Variants in ADSS2 observed in about 807,000 individuals in gnomAD.
The protein encoded by ADSS2 is adenylosuccinate synthetase isozyme 2.
Under a neutral mutation model 60.0 loss-of-function variants are expected in ADSS2, and 30 were observed. The observed-to-expected ratio is 0.50, with a 90% CI of 0.37 to 0.68. The LOEUF is 0.68. Ranked by LOEUF, ADSS2 falls within the 30% of genes least tolerant of loss-of-function variation. The pLI is 0.00. For missense variants in ADSS2, 373 were observed against 554.8 expected (o/e 0.67, Z 3.29); for synonymous variants, 187 against 193.1 (o/e 0.97, Z 0.26).
upstream of ADSS2, chr1:244,451,920 C>T (rs1372127165): frequency 1.3e-5 from 16 of 1,250,530 alleles, no homozygotes; most frequent in Non-Finnish European, 1.5e-5. This position sits in a 1 kb window ranked among gnomAD's most constrained non-coding sequence, Gnocchi z 6.6. Flanking sequence ...GAAGAAGGAG[C>T]CAGAGGCCGG....
intron 4 of ADSS2, among the ~76,000 whole-genome samples, chr1:244,431,925 CCACAGGACA>C (rs896484592): frequency 1.8e-4 from 28 of 152,306 alleles, no homozygotes; most frequent in African/African-American, 5.8e-4. Context: ...GCAGCTACTG[CCACAGGACA>C]CACGCATACT....
chr1:244,446,610 T>C (rs2148015959), intron 1 of ADSS2, among the ~76,000 whole-genome samples: 1 of 152,308 alleles, frequency 6.6e-6, no homozygotes, highest in East Asian at 1.9e-4. Context: ...ATTACTATTA[T>C]GAAATAACTT....
At chr1:244,428,283 T>C (rs1356587195) in intron 4 of ADSS2, among the ~76,000 whole-genome samples, 1 of 152,096 alleles carries the variant, frequency 6.6e-6, no homozygotes, top group Non-Finnish European at 1.5e-5. Context: ...TAAAATTAAA[T>C]TATAAATAAT....
chr1:244,437,111 T>C (rs1052295694), intron 2 of ADSS2, among the ~76,000 whole-genome samples: 1 of 152,176 alleles, frequency 6.6e-6, no homozygotes, highest in Non-Finnish European at 1.5e-5. Context: ...AAGTGAAATA[T>C]GATTTTGAAG....
chr1:244,423,227 C>G (rs911767817), intron 6 of ADSS2, among the ~76,000 whole-genome samples: 3 of 152,148 alleles, frequency 2.0e-5, no homozygotes, highest in African/African-American at 7.2e-5. Context: ...TCTGAATTAA[C>G]TGTATTATAC....
intron 4 of ADSS2, among the ~76,000 whole-genome samples, chr1:244,427,327 C>T (rs1664829638): frequency 6.6e-6 from 1 of 152,018 alleles, no homozygotes; most frequent in South Asian, 2.1e-4. Flanking sequence ...AGAGCAACTA[C>T]CAAAATTCAT....
In ADSS2 at chr1:244,446,685, T is replaced by C. The variant is rs915307028; in HGVS notation, c.183+4950A>G. Among the ~76,000 whole-genome samples the C allele has an allele frequency of 2.6e-5, 4 of 152,144 alleles. No homozygotes were observed. In the East Asian group the frequency reaches 7.7e-4, roughly 29 times the overall value. Reference sequence around the variant, plus strand: ...CTTAGGTTCCTAAGAAGCTTTAGACTCTGGGTACCAAACTCTAATATTCTT... The same window carrying C: ...CTTAGGTTCCTAAGAAGCTTTAGACCCTGGGTACCAAACTCTAATATTCTT... On this transcript the variant is annotated intron_variant, in intron 1 of 12. Transcript: ENST00000366535.
rs1456583090 is a variant in ADSS2 at position 244,451,208 on chromosome 1, T to TG, written c.183+426dup. Among the ~76,000 whole-genome samples, 1 of 151,940 alleles carries TG rather than the reference T, an allele frequency of 6.6e-6. No individual in the cohort carries two copies. Among genetic ancestry groups the TG allele is most frequent in the African/African-American group, 2.4e-5 (1 of 41,386 alleles). On this transcript the variant is annotated intron_variant, in intron 1 of 12. Coordinates refer to ENST00000366535, the MANE Select transcript of ADSS2 (RefSeq NM_001126.5). The surrounding 1 kb of genome is among the most constrained non-coding windows in gnomAD (Gnocchi z 6.6). ...CCTGGGCGGGGCGGGGGGGCGGTGA[T>TG]GGGGGGTTCTGCCGTCGCGCCGGGT...
chr1:244,435,703 A>G (rs1665082669), intron 3 of ADSS2, among the ~76,000 whole-genome samples: 1 of 152,066 alleles, frequency 6.6e-6, no homozygotes, highest in African/African-American at 2.4e-5. Flanking sequence ...CAACACCAAC[A>G]TTCTTGACTC....
intron 1 of ADSS2, among the ~76,000 whole-genome samples, chr1:244,450,550 C>T (rs576889529): frequency 6.6e-6 from 1 of 152,346 alleles, no homozygotes; most frequent in South Asian, 2.1e-4. Flanking sequence ...ACATATACAG[C>T]ATGGCACCAT....
At chr1:244,415,836 A>G in intron 11 of ADSS2, 145 bp downstream of exon 11, 1 of 611,122 alleles carries the variant, frequency 1.6e-6, no homozygotes, top group Non-Finnish European at 2.8e-6. Context: ...CAAATAACTA[A>G]TAATAAGTGA....
At chr1:244,448,496 CG>C (rs1665448618) in intron 1 of ADSS2, among the ~76,000 whole-genome samples, 1 of 152,122 alleles carries the variant, frequency 6.6e-6, no homozygotes, top group African/African-American at 2.4e-5. Flanking sequence ...AGAATACACA[CG>C]GAACACTGCT....
chr1:244,429,359 T>C (rs1664877490), intron 4 of ADSS2, among the ~76,000 whole-genome samples: 1 of 152,198 alleles, frequency 6.6e-6, no homozygotes, highest in African/African-American at 2.4e-5. Context: ...AAATGAACAT[T>C]CTGAAGCATC....
chr1:244,437,570 G>A, intron 2 of ADSS2, 96 bp downstream of exon 2: 1 of 854,644 alleles, frequency 1.2e-6, no homozygotes. Context: ...GAACCATCTG[G>A]TCAGTGAGAG....
intron 1 of ADSS2, among the ~76,000 whole-genome samples, chr1:244,449,253 T>C (rs533448915): frequency 6.6e-6 from 1 of 152,356 alleles, no homozygotes; most frequent in East Asian, 1.9e-4. Flanking sequence ...TTTAAAACTA[T>C]ATTTTATGTT....
chr1:244,441,347 T>G (rs1183530286), intron 1 of ADSS2, among the ~76,000 whole-genome samples: 1 of 152,178 alleles, frequency 6.6e-6, no homozygotes, highest in Non-Finnish European at 1.5e-5. Context: ...CGTGAGCCAC[T>G]GCGCCCGGCC....
intron 1 of ADSS2, among the ~76,000 whole-genome samples, chr1:244,439,406 G>T (rs1665181302): frequency 6.6e-6 from 1 of 152,110 alleles, no homozygotes; most frequent in African/African-American, 2.4e-5. Context: ...TTCCCTTCAA[G>T]GTAGCAACTT....
chr1:244,444,463 C>T (rs1665332404), intron 1 of ADSS2, among the ~76,000 whole-genome samples: 1 of 133,966 alleles, frequency 7.5e-6, no homozygotes, highest in Non-Finnish European at 1.6e-5. Flanking sequence ...TGCAGTGAGC[C>T]GAGATCCCGC....
chr1:244,451,562 G>C lies in ADSS2; in HGVS notation c.183+73C>G. The stretch of plus-strand genomic sequence containing the variant: ...CAGTGGATCCGGGTTCTGGGTCCGA[G>C]TTCCCGGGCACCAGGAGCCAGGCAG... On this transcript the variant is annotated intron_variant, in intron 1 of 12. Transcript: ENST00000366535. This position sits in a 1 kb window ranked among gnomAD's most constrained non-coding sequence, Gnocchi z 6.6. 9.4e-6 allele frequency: 14 copies of C among 1,485,866 alleles called. No individual in the cohort carries two copies. Among genetic ancestry groups the C allele is most frequent in the African/African-American group, 1.4e-5 (1 of 70,976 alleles). The allele number at this position is 1,485,866 out of a possible 1,614,324, so 92.0% of individuals were successfully genotyped here. A position where few individuals can be genotyped will look rare whatever the true frequency, so the allele number is the denominator to read the frequency against.
Sources: allele counts gnomAD v4.1 joint callset (sites outside exome capture counted in the v4.1 genomes callset), GRCh38; gene constraint gnomAD v4.1.1; non-coding constraint Gnocchi (gnomAD v3.1); transcripts MANE v1.5; gene names NCBI Gene and HGNC (gene_info 2026-07-23, HGNC 2026-07-21).